The following DNAJA3 variants were observed in gnomAD, a reference collection of about 807,000 sequenced individuals.
DNAJA3 encodes dnaJ homolog subfamily A member 3, mitochondrial.
DNAJA3 carries 29 observed loss-of-function variants against 54.9 expected under a neutral mutation model. That is an observed-to-expected ratio of 0.53 (90% CI 0.39 to 0.72). The LOEUF (loss-of-function observed/expected upper bound fraction) is 0.72. Ranked by LOEUF, DNAJA3 falls within the 30% of genes least tolerant of loss-of-function variation. DNAJA3 has a pLI of 0.00. For synonymous variants in DNAJA3, 302 were observed against 251.4 expected (o/e 1.20, Z -1.90); for missense variants, 708 against 639.4 (o/e 1.11, Z -1.16).
At chr16:4,449,910 C>T (rs2056955201) in intron 9 of DNAJA3, 1 of 152,242 alleles carries the variant, frequency 6.6e-6, no homozygotes, top group Admixed American at 6.6e-5. Context: ...CTGCCTCAGC[C>T]TCCCAAGTAG....
At chr16:4,438,014 C>T (rs935257742) in intron 3 of DNAJA3, among the ~76,000 whole-genome samples, 1 of 151,824 alleles carries the variant, frequency 6.6e-6, no homozygotes, top group South Asian at 2.1e-4. Context: ...AACTTGGAAT[C>T]TCAATGAAGA....
At chr16:4,442,002 A>G (rs865830675) in intron 4 of DNAJA3, among the ~76,000 whole-genome samples, 3 of 152,192 alleles carry the variant, frequency 2.0e-5, no homozygotes, top group Admixed American at 1.3e-4. Flanking sequence ...TTTAAGTGCC[A>G]TGTACGAGTA....
intron 11 of DNAJA3, 128 bp from the exon 12 acceptor site, chr16:4,455,418 T>C: frequency 8.8e-7 from 1 of 1,131,412 alleles, no homozygotes; most frequent in South Asian, 1.4e-5. Flanking sequence ...ATTATGCTCA[T>C]CTCAGCAAGT....
chr16:4,432,960 C>T (rs1212346318), intron 1 of DNAJA3, among the ~76,000 whole-genome samples: 5 of 151,518 alleles, frequency 3.3e-5, no homozygotes, highest in East Asian at 2.0e-4. Context: ...GCTAACACGG[C>T]GAAACCCCGT....
intron 1 of DNAJA3, among the ~76,000 whole-genome samples, chr16:4,432,363 A>G (rs540005749): frequency 2.2e-5 from 3 of 137,856 alleles, no homozygotes; most frequent in Non-Finnish European, 4.6e-5. Flanking sequence ...TTTTTCTGTG[A>G]TGGAGTTTCA....
rs1323646270 is a variant in DNAJA3, at chr16:4,455,535, CTT to C, written c.*14-9_*14-8del. The C allele has an allele frequency of 6.4e-7, 1 of 1,551,662 alleles. No individual in the cohort carries two copies. Among genetic ancestry groups the C allele is most frequent in the Non-Finnish European group, 8.7e-7 (1 of 1,146,992 alleles). On this transcript the variant is annotated splice_polypyrimidine_tract_variant and intron_variant, in intron 11 of 11. Coordinates refer to ENST00000262375, the MANE Select transcript of DNAJA3 (RefSeq NM_005147.6). ...TTGAGTATAAGGTAACAGCCTATCT[CTT>C]TGGCTCAGGAAAAAGATCCACTGGA... is the stretch of plus-strand genomic sequence containing the variant.
Position 4,426,184 on chromosome 16 carries a change from G to T in DNAJA3, c.211+92G>T, listed in dbSNP as rs1043837878. On this transcript the variant is annotated intron_variant, in intron 1 of 11. Coordinates refer to ENST00000262375, the MANE Select transcript of DNAJA3 (RefSeq NM_005147.6). ...TGACTACGGCTGCAGGGGTAGTGGG[G>T]TGGAGGGTGTCTTCCGACGCGGATG... 525 of 1,308,684 alleles carry T rather than the reference G, an allele frequency of 4.0e-4. 2 individuals are homozygous for T. Among genetic ancestry groups the T allele is most frequent in the Non-Finnish European group, 5.1e-4 (507 of 994,292 alleles). The allele number at this position is 1,308,684 out of a possible 1,614,324, so 81.1% of individuals were successfully genotyped here.
chr16:4,437,284 T>C, intron 2 of DNAJA3, 118 bp from the exon 3 acceptor site: 1 of 890,554 alleles, frequency 1.1e-6, no homozygotes, highest in Non-Finnish European at 1.8e-6. Context: ...AGACAACTTT[T>C]ATAAAGGGAA....
intron 5 of DNAJA3, 26 bp from the exon 6 acceptor site, chr16:4,442,991 G>C: frequency 1.2e-6 from 2 of 1,610,132 alleles, no homozygotes; most frequent in Non-Finnish European, 1.7e-6. Context: ...GCGTACTTAG[G>C]TTACCATTTT....
intron 1 of DNAJA3, chr16:4,433,075 G>A (rs1279574689): frequency 6.6e-6 from 1 of 152,180 alleles, no homozygotes; most frequent in African/African-American, 2.4e-5. Context: ...CCGGGAAGTG[G>A]AGCTTGCAGT....
At chr16:4,442,171 G>A in intron 4 of DNAJA3, 97 bp from the exon 5 acceptor site, 1 of 1,311,190 alleles carries the variant, frequency 7.6e-7, no homozygotes, top group Non-Finnish European at 1.0e-6. Context: ...AAGAGTGACT[G>A]AAAATGTGGG....
chr16:4,450,077 T>C (rs538925132), intron 9 of DNAJA3: 12 of 225,438 alleles, frequency 5.3e-5, no homozygotes, highest in African/African-American at 9.0e-5. Context: ...CATGAGCCAC[T>C]GCGCCTGGCC....
In DNAJA3 at chr16:4,446,924, C is replaced by T. The variant is rs2056908409; in HGVS notation, c.1035C>T (p.Asp345=). 6.2e-7 allele frequency: 1 copy of T among 1,614,048 alleles called. No individual in the cohort carries two copies. The highest frequency in any genetic ancestry group is 1.1e-5 in the South Asian group (1 of 91,086). ...CTGTGTTCCGGAGGGACGGCGCAGA[C>T]ATCCACTCCGACCTCTTTATTTCTA... ...KSPVFRRDGA[D]IHSDLFISIA... The change falls in exon 8 of 12, where the codon GAC becomes GAT. Residue 345 remains aspartate (D), a synonymous_variant. Coordinates refer to ENST00000262375, the MANE Select transcript of DNAJA3 (RefSeq NM_005147.6).
At chr16:4,450,179 T>TTAGTGTAGGG in intron 9 of DNAJA3, 1 of 482,868 alleles carries the variant, frequency 2.1e-6, no homozygotes, top group Non-Finnish European at 3.7e-6. Context: ...ACAGTGACAC[T>TTAGTGTAGGG]TGTTTAAATG....
At chr16:4,438,665 C>T (rs2056802959) in intron 3 of DNAJA3, among the ~76,000 whole-genome samples, 1 of 106,350 alleles carries the variant, frequency 9.4e-6, no homozygotes, top group Non-Finnish European at 1.8e-5. Flanking sequence ...GCTTAAGAGA[C>T]AGGGTCCCTC....
intron 1 of DNAJA3, among the ~76,000 whole-genome samples, chr16:4,428,159 G>A (rs755562828): frequency 1.4e-4 from 21 of 151,960 alleles, no homozygotes; most frequent in Non-Finnish European, 2.5e-4. Context: ...CACCGTGTTA[G>A]CCAAGATGGT....
chr16:4,441,614 C>G (rs775469674), intron 4 of DNAJA3, 39 bp downstream of exon 4: 1 of 1,604,834 alleles, frequency 6.2e-7, no homozygotes, highest in Non-Finnish European at 8.5e-7. Context: ...AAATTTTAGA[C>G]TAAGTATGGG....
chr16:4,426,011 A>T lies in DNAJA3; in HGVS notation c.130A>T (p.Ser44Cys). 6.2e-7 allele frequency: 1 copy of T among 1,606,864 alleles called. No individual in the cohort carries two copies. The highest frequency in any genetic ancestry group is 8.5e-7 in the Non-Finnish European group (1 of 1,177,256). ...VVGAWLSRKL[S>C]VPAFASSLTS... is the part of the protein sequence containing the mutation. ...GGGGGCATGGCTGAGCCGCAAGCTG[A>T]GCGTCCCCGCCTTTGCGTCTTCCCT... is the stretch of plus-strand genomic sequence containing the variant. Residue 44 changes from serine (S) to cysteine (C), a missense_variant, in exon 1 of 12, where the codon AGC (serine) becomes TGC (cysteine). Transcript: ENST00000262375.
rs549240472 is a variant in DNAJA3 at position 4,449,218 on chromosome 16, A to G, written c.1241+370A>G. On this transcript the variant is annotated intron_variant, in intron 9 of 11. Coordinates refer to ENST00000262375, the MANE Select transcript of DNAJA3 (RefSeq NM_005147.6). ...TCACCGTGTTAGCCAGAGTGGCCTC[A>G]ATCTCCTGACCTAGTGATCCACCCA... Among the ~76,000 whole-genome samples the G allele has an allele frequency of 3.1e-3, 477 of 151,566 alleles. 2 individuals carry two copies. The highest frequency in any genetic ancestry group is 0.011 in the African/African-American group (445 of 41,300).
Sources: gnomAD v4.1 joint callset for allele counts (sites outside exome capture counted in the v4.1 genomes callset) on GRCh38, gnomAD v4.1.1 for gene constraint, MANE v1.5 for transcripts, NCBI Gene and HGNC (gene_info 2026-07-23, HGNC 2026-07-21) for gene names.